Variants in KNDC1 observed in about 807,000 individuals in gnomAD.
KNDC1 encodes kinase non-catalytic C-lobe domain containing 1.
A neutral mutation model predicts 172.8 loss-of-function variants in KNDC1; 106 were observed. The ratio of observed to expected loss-of-function variants is 0.61; its 90% CI spans 0.52 to 0.72. The LOEUF (loss-of-function observed/expected upper bound fraction) is 0.72. Among genes scored for constraint, KNDC1 ranks in the 30% least tolerant of loss-of-function variants. The pLI, the probability that KNDC1 is intolerant of heterozygous loss-of-function variation, is 0.00. For missense variants in KNDC1, 2,325 were observed against 2,394.5 expected (o/e 0.97, Z 0.61); for synonymous variants, 1,083 against 1,062.2 (o/e 1.02, Z -0.38).
At chr10:133,194,971 G>T (rs1289882551) in intron 9 of KNDC1, among the ~76,000 whole-genome samples, 1 of 152,116 alleles carries the variant, frequency 6.6e-6, no homozygotes, top group Non-Finnish European at 1.5e-5. Context: ...TTCCAGCATG[G>T]GTCTGTCCGG....
At chr10:133,177,624 T>C (rs909200024) in intron 3 of KNDC1, among the ~76,000 whole-genome samples, 3 of 151,810 alleles carry the variant, frequency 2.0e-5, no homozygotes, top group Non-Finnish European at 2.9e-5. Flanking sequence ...ATGCACATAG[T>C]GTGTTGTGAG....
At position 133,198,640 on chromosome 10, in the gene KNDC1, G is replaced by A; in HGVS notation, c.2132G>A (p.Gly711Asp). The part of the protein sequence containing the change: ...EERGGQREGE[G>D]EEKLSLEAHA... ...AGGGGCGGCCAGAGGGAGGGAGAAGGTGAGGAGAAGCTCTCCCTGGAGGCC... is the reference window on the plus strand; with the variant it reads ...AGGGGCGGCCAGAGGGAGGGAGAAGATGAGGAGAAGCTCTCCCTGGAGGCC... Residue 711 changes from glycine to aspartate, a missense_variant, in exon 14 of 30, where the codon GGT (glycine) becomes GAT (aspartate). Gly to Asp is a moderately conservative substitution (Grantham distance 94, BLOSUM62 -1). Coordinates refer to ENST00000304613, the MANE Select transcript of KNDC1 (RefSeq NM_152643.8). 1 of 1,606,014 alleles carries A rather than the reference G, an allele frequency of 6.2e-7. No individual in the cohort carries two copies. The highest frequency in any genetic ancestry group is 2.2e-5 in the East Asian group (1 of 44,538).
intron 23 of KNDC1, among the ~76,000 whole-genome samples, chr10:133,212,434 G>A (rs567718935): frequency 4.6e-5 from 7 of 152,328 alleles, no homozygotes; most frequent in African/African-American, 1.2e-4. Flanking sequence ...ATTGACCCAC[G>A]GGCCAGAGAC....
At position 133,167,440 on chromosome 10, in the gene KNDC1, A is replaced by C; in HGVS notation, c.162A>C (p.Glu54Asp). The change falls in exon 2 of 30, where the codon GAA becomes GAC. Residue 54 changes from glutamate to aspartate, a missense_variant. By Grantham distance (45) the Glu-to-Asp change is conservative (BLOSUM62 2). Coordinates refer to ENST00000304613, the MANE Select transcript of KNDC1 (RefSeq NM_152643.8). ...GGGACCGCGGCCTCAGCGAGCAGGAAGCCTGGGCCGTGTGCCTGGAGTGCA... is the reference window on the plus strand; with the variant it reads ...GGGACCGCGGCCTCAGCGAGCAGGACGCCTGGGCCGTGTGCCTGGAGTGCA... Reference protein sequence around the residue: ...SLRDRGLSEQEAWAVCLECSL... With the variant: ...SLRDRGLSEQDAWAVCLECSL... 6.2e-7 allele frequency: 1 copy of C among 1,606,220 alleles called. No individual in the cohort carries two copies. The highest frequency in any genetic ancestry group is 8.5e-7 in the Non-Finnish European group (1 of 1,177,576).
intron 3 of KNDC1, among the ~76,000 whole-genome samples, chr10:133,168,969 G>A (rs1418153451): frequency 1.3e-5 from 2 of 152,246 alleles, no homozygotes; most frequent in Non-Finnish European, 2.9e-5. Context: ...AATCACCCCG[G>A]GGCCTTCAGA....
chr10:133,198,797 C>A lies in KNDC1; in HGVS notation c.2289C>A (p.Pro763=). The change falls in exon 14 of 30, where the codon CCC becomes CCA. Residue 763 remains proline (P), a synonymous_variant. Transcript: ENST00000304613. ...CCCAGGGCCGCCCCTGCCCTCCACC[C>A]CAGGCCCCAGCAAACCAGCCAGAGG... The part of the protein sequence containing the change: ...DSAQGRPCPP[P]QAPANQPEGA... 1 of 1,592,608 alleles carries A rather than the reference C, an allele frequency of 6.3e-7. No individual in the cohort carries two copies. Among genetic ancestry groups the A allele is most frequent in the Non-Finnish European group, 8.5e-7 (1 of 1,170,084 alleles).
intron 21 of KNDC1, 46 bp downstream of exon 21, chr10:133,210,770 G>A: frequency 6.7e-7 from 1 of 1,492,566 alleles, no homozygotes; most frequent in Non-Finnish European, 9.4e-7. Context: ...TCCCCCTGGG[G>A]CAGGGTGGGC....
At position 133,214,101 on chromosome 10, in the gene KNDC1, T is replaced by C; in HGVS notation, c.4656T>C (p.Ile1552=). The C allele has an allele frequency of 6.2e-7, 1 of 1,613,986 alleles. No homozygotes were observed. The highest frequency in any genetic ancestry group is 8.5e-7 in the Non-Finnish European group (1 of 1,179,980). The change falls in exon 26 of 30, where the codon ATT becomes ATC. Residue 1552 remains isoleucine, a synonymous_variant. Transcript: ENST00000304613. The part of the protein sequence containing the change: ...DDVSTWVAAE[I]VTSHTSKLQV... ...TCAGCACCTGGGTGGCTGCAGAGATTGTGACCAGCCACACCTCCAAGGTGG... is the reference window on the plus strand; with the variant it reads ...TCAGCACCTGGGTGGCTGCAGAGATCGTGACCAGCCACACCTCCAAGGTGG...
chr10:133,207,098 G>A, intron 19 of KNDC1, 39 bp from the exon 20 acceptor site: 1 of 1,553,940 alleles, frequency 6.4e-7, no homozygotes, highest in Non-Finnish European at 8.7e-7. Context: ...CCTGGGGCGA[G>A]GGGCAGAGTG....
chr10:133,224,546 A>G lies in KNDC1; in HGVS notation c.5019-113A>G, dbSNP rs1845680907. On this transcript the variant is annotated intron_variant, in intron 29 of 29. Transcript: ENST00000304613. This position sits in a 1 kb window ranked among gnomAD's most constrained non-coding sequence, Gnocchi z 5.4. ...AGACAACCCACCCTTCAGAATTTACACGGTGAAAAGATTTAGTCCAAATGA... is the reference window on the plus strand; with the variant it reads ...AGACAACCCACCCTTCAGAATTTACGCGGTGAAAAGATTTAGTCCAAATGA... 4.3e-5 allele frequency: 32 copies of G among 739,980 alleles called. No homozygotes were observed. The highest frequency in any genetic ancestry group is 2.5e-4 in the Middle Eastern group (1 of 3,962). The allele number at this position is 739,980 out of a possible 1,614,324, so 45.8% of individuals were successfully genotyped here.
chr10:133,198,669 G>A lies in KNDC1; in HGVS notation c.2161G>A (p.Ala721Thr), dbSNP rs769532600. Reference protein sequence around the residue: ...GEEKLSLEAHAGSPSLKTPDG... With the variant: ...GEEKLSLEAHTGSPSLKTPDG... ...GGAGAAGCTCTCCCTGGAGGCCCAC[G>A]CTGGGTCCCCCAGCCTGAAGACGCC... is the stretch of plus-strand genomic sequence containing the variant. The change falls in exon 14 of 30, where the codon GCT becomes ACT. Residue 721 changes from alanine (A) to threonine (T), a missense_variant. Physicochemically the swap from Ala to Thr is moderately conservative, Grantham distance 58. Coordinates refer to ENST00000304613, the MANE Select transcript of KNDC1 (RefSeq NM_152643.8). 2.5e-5 allele frequency: 40 copies of A among 1,595,138 alleles called. No homozygotes were observed. The highest frequency in any genetic ancestry group is 3.3e-5 in the Non-Finnish European group (39 of 1,172,122).
At chr10:133,207,828 T>A (rs961443234) in intron 20 of KNDC1, among the ~76,000 whole-genome samples, 1 of 152,182 alleles carries the variant, frequency 6.6e-6, no homozygotes, top group Non-Finnish European at 1.5e-5. Flanking sequence ...TGTGCGTACG[T>A]ACGCCTGCAG....
chr10:133,211,527 C>A lies in KNDC1; in HGVS notation c.4014C>A (p.Asn1338Lys). The A allele has an allele frequency of 6.2e-7, 1 of 1,614,038 alleles. No homozygotes were observed. The highest frequency in any genetic ancestry group is 8.5e-7 in the Non-Finnish European group (1 of 1,179,930). The change falls in exon 22 of 30, where the codon AAC (asparagine) becomes AAA (lysine). Residue 1338 changes from asparagine (N) to lysine (K), a missense_variant. Coordinates refer to ENST00000304613, the MANE Select transcript of KNDC1 (RefSeq NM_152643.8). ...GCTACGCTGTGGACTTCCCTCGGAA[C>A]AGCGGGCTGCTGGGGAAGCTAGAGG... is the stretch of plus-strand genomic sequence containing the variant. ...EDCYAVDFPR[N>K]SGLLGKLEDF...
At chr10:133,213,148 G>C (rs1214161925) in intron 24 of KNDC1, among the ~76,000 whole-genome samples, 1 of 152,206 alleles carries the variant, frequency 6.6e-6, no homozygotes, top group Non-Finnish European at 1.5e-5. Flanking sequence ...CCAGACCACT[G>C]CCCGCTGGGC....
intron 3 of KNDC1, among the ~76,000 whole-genome samples, chr10:133,175,637 G>A (rs1591228096): frequency 1.3e-5 from 2 of 151,022 alleles, no homozygotes; most frequent in African/African-American, 4.9e-5. Flanking sequence ...ATTGATGAGT[G>A]TATGAATTGA....
At position 133,186,137 on chromosome 10, in the gene KNDC1, G is replaced by A. The variant is rs1425887792; in HGVS notation, c.789G>A (p.Leu263=). 1 of 1,593,482 alleles carries A rather than the reference G, an allele frequency of 6.3e-7. No individual in the cohort carries two copies. The highest frequency in any genetic ancestry group is 1.3e-5 in the African/African-American group (1 of 74,492). The change falls in exon 6 of 30, where the codon CTG becomes CTA. Residue 263 remains leucine (L), a synonymous_variant. Transcript: ENST00000304613. ...GPRASPTKAL[L]STPVRNGESH... is the part of the protein sequence containing the mutation. ...GAGCCTCCCCAACCAAGGCTCTGCT[G>A]TCCACCCCGGTGAGAAATGGCGAGA...
At chr10:133,164,706 T>G (rs189249239) in intron 1 of KNDC1, among the ~76,000 whole-genome samples, 2 of 152,048 alleles carry the variant, frequency 1.3e-5, no homozygotes, top group East Asian at 3.9e-4. Flanking sequence ...AGCCCCGGGG[T>G]CTCCAAGGGC....
chr10:133,190,622 G>A (rs1439478553), intron 9 of KNDC1, among the ~76,000 whole-genome samples: 3 of 152,250 alleles, frequency 2.0e-5, no homozygotes, highest in Admixed American at 6.5e-5. Flanking sequence ...TAAAAGCCGC[G>A]CTTTTTCATC....
intron 1 of KNDC1, 114 bp from the exon 2 acceptor site, chr10:133,167,267 A>G (rs914084472): frequency 9.3e-6 from 9 of 968,924 alleles, no homozygotes; most frequent in Admixed American, 5.1e-5. Context: ...TCCCTGACCC[A>G]CGCGTTGAAA....
Sources: gnomAD v4.1 joint callset for allele counts (sites outside exome capture counted in the v4.1 genomes callset) on GRCh38, gnomAD v4.1.1 for gene constraint, Gnocchi (gnomAD v3.1) non-coding constraint, MANE v1.5 for transcripts, NCBI Gene and HGNC (gene_info 2026-07-23, HGNC 2026-07-21) for gene names.